NXPE4: variants seen among roughly 807,000 people sequenced by gnomAD.
NXPE4 encodes NXPE family member 4.
A neutral mutation model predicts 33.3 loss-of-function variants in NXPE4; 42 were observed. The ratio of observed to expected loss-of-function variants is 1.26; its 90% CI spans 0.98 to 1.63. The LOEUF is 1.63. Ranked by LOEUF, NXPE4 falls within the 40% of genes most tolerant of loss-of-function variation. NXPE4 has a pLI of 0.00. For missense variants in NXPE4, 709 were observed against 647.6 expected (o/e 1.09, Z -1.03); for synonymous variants, 253 against 234.9 (o/e 1.08, Z -0.71).
chr11:114,609,882 GATA>G, the NXPE4 span, among the ~76,000 whole-genome samples: 1 of 151,768 alleles, frequency 6.6e-6, no homozygotes, highest in Non-Finnish European at 1.5e-5. Flanking sequence ...TTACCCAGTG[GATA>G]ATAAGTGTTG....
the NXPE4 span, among the ~76,000 whole-genome samples, chr11:114,610,595 G>A: frequency 3.5e-5 from 4 of 113,594 alleles, no homozygotes; most frequent in Admixed American, 9.1e-5. Context: ...GTATTGCCTC[G>A]TGGTTAACCA....
At chr11:114,586,991 C>G (rs1365783827) in intron 2 of NXPE4, among the ~76,000 whole-genome samples, 1 of 152,130 alleles carries the variant, frequency 6.6e-6, no homozygotes, top group Non-Finnish European at 1.5e-5. Context: ...TCTCTCTTTA[C>G]CCTTGGTCTG....
At chr11:114,666,038 C>G in the NXPE4 span, among the ~76,000 whole-genome samples, 1 of 152,108 alleles carries the variant, frequency 6.6e-6, no homozygotes. Context: ...TATCCTGCAT[C>G]TTATGAGAAT....
At chr11:114,629,753 A>G in the NXPE4 span, among the ~76,000 whole-genome samples, 1 of 151,446 alleles carries the variant, frequency 6.6e-6, no homozygotes, top group Admixed American at 6.6e-5. Flanking sequence ...AGACGACATG[A>G]TTGTATATCT....
chr11:114,676,364 G>A, the NXPE4 span, among the ~76,000 whole-genome samples: 3 of 151,136 alleles, frequency 2.0e-5, no homozygotes, highest in African/African-American at 4.9e-5. Context: ...CATCTGATAA[G>A]GAATTAATAT....
At chr11:114,635,818 C>A in the NXPE4 span, among the ~76,000 whole-genome samples, 66 of 152,190 alleles carry the variant, frequency 4.3e-4, no homozygotes, top group African/African-American at 1.6e-3. Flanking sequence ...ATGAAGCCCA[C>A]TTGATCATGG....
the NXPE4 span, among the ~76,000 whole-genome samples, chr11:114,651,353 TG>T: frequency 2.2e-3 from 335 of 151,954 alleles, 3 homozygotes; most frequent in Admixed American, 0.021. Context: ...CGTCCGGAGT[TG>T]TTTGTTCCTC....
chr11:114,600,913 G>A, the NXPE4 span, among the ~76,000 whole-genome samples: 10 of 151,888 alleles, frequency 6.6e-5, no homozygotes, highest in African/African-American at 2.4e-4. Flanking sequence ...TTTTCAAATG[G>A]GAAAATATAA....
At chr11:114,639,466 T>A in the NXPE4 span, among the ~76,000 whole-genome samples, 1 of 151,540 alleles carries the variant, frequency 6.6e-6, no homozygotes, top group Admixed American at 6.6e-5. Flanking sequence ...CACGCTGCGC[T>A]GCCCCCACTG....
chr11:114,602,106 A>ATATATAATTATATATAACATATATTATAC, the NXPE4 span, among the ~76,000 whole-genome samples: 3 of 97,296 alleles, frequency 3.1e-5, no homozygotes, highest in African/African-American at 8.5e-5. Flanking sequence ...ATATATTATA[A>ATATATAATTATATATAACATATATTATAC]TATATATAAT....
chr11:114,633,259 G>T, the NXPE4 span, among the ~76,000 whole-genome samples: 2 of 130,124 alleles, frequency 1.5e-5, no homozygotes, highest in African/African-American at 5.8e-5. Flanking sequence ...TAATATATAA[G>T]AATGTTATAT....
At chr11:114,632,663 ATAG>A in the NXPE4 span, among the ~76,000 whole-genome samples, 1 of 86,302 alleles carries the variant, frequency 1.2e-5, no homozygotes, top group East Asian at 2.9e-4. Context: ...AAATAAATAT[ATAG>A]TATATATATT....
the NXPE4 span, among the ~76,000 whole-genome samples, chr11:114,621,716 A>G: frequency 3.3e-5 from 5 of 152,226 alleles, no homozygotes; most frequent in Admixed American, 1.3e-4. Flanking sequence ...GTGGATCATA[A>G]TGATTGCCCT....
chr11:114,610,074 A>G, the NXPE4 span, among the ~76,000 whole-genome samples: 1 of 151,766 alleles, frequency 6.6e-6, no homozygotes, highest in Non-Finnish European at 1.5e-5. Context: ...CCTCATGGGT[A>G]ACCACTGTTA....
the NXPE4 span, among the ~76,000 whole-genome samples, chr11:114,602,790 AATT>A: frequency 1.4e-5 from 2 of 143,976 alleles, no homozygotes; most frequent in Non-Finnish European, 3.0e-5. Flanking sequence ...AATGTATAAT[AATT>A]ATCTCATATA....
the NXPE4 span, among the ~76,000 whole-genome samples, chr11:114,639,494 GGCAC>G: frequency 6.6e-6 from 1 of 151,458 alleles, no homozygotes; most frequent in Admixed American, 6.6e-5. Context: ...CCCACTGTCT[GGCAC>G]TCCCTAGTGA....
chr11:114,657,576 C>T, the NXPE4 span, among the ~76,000 whole-genome samples: 11 of 151,628 alleles, frequency 7.3e-5, no homozygotes, highest in Non-Finnish European at 1.5e-4. Flanking sequence ...TATTTAATGT[C>T]GTATAATAGG....
chr11:114,586,361 G>A (rs143708352), intron 2 of NXPE4, among the ~76,000 whole-genome samples: 4 of 152,304 alleles, frequency 2.6e-5, no homozygotes, highest in Non-Finnish European at 4.4e-5. Context: ...CCTGGGATCC[G>A]AGGAAGATTC....
intron 2 of NXPE4, among the ~76,000 whole-genome samples, chr11:114,591,191 C>T (rs1045658605): frequency 6.6e-6 from 1 of 152,216 alleles, no homozygotes; most frequent in Non-Finnish European, 1.5e-5. Flanking sequence ...TATCCAGGCA[C>T]AAGTGCTCAA....
Sources: gnomAD v4.1 joint callset for allele counts (sites outside exome capture counted in the v4.1 genomes callset) on GRCh38, gnomAD v4.1.1 for gene constraint, MANE v1.5 for transcripts, NCBI Gene and HGNC (gene_info 2026-07-23, HGNC 2026-07-21) for gene names.